Variants in PRKN observed in about 807,000 individuals in gnomAD.
PRKN encodes E3 ubiquitin-protein ligase parkin.
A neutral mutation model predicts 59.5 loss-of-function variants in PRKN; 56 were observed. That is an observed-to-expected ratio of 0.94 (90% confidence interval 0.76 to 1.18). The LOEUF is 1.18. PRKN is among the 50% of genes most tolerant of loss of function. The pLI, the probability that PRKN is intolerant of heterozygous loss-of-function variation, is 0.00. For synonymous variants in PRKN, 250 were observed against 222.1 expected, an observed-to-expected ratio of 1.13 and a Z score of -1.12; for missense variants, 657 against 596.4, an observed-to-expected ratio of 1.10 and a Z score of -1.06.
chr6:162,310,988 A>C lies in PRKN; in HGVS notation c.172-48223T>G, dbSNP rs1015348402. The stretch of plus-strand genomic sequence containing the variant: ...AGTGAAAATTTACAATCATTCAGTA[A>C]GGAAAGTTTTCTGATGACCATAGCG... On this transcript the variant is annotated intron_variant, in intron 2 of 11. Coordinates refer to ENST00000366898, the MANE Select transcript of PRKN (RefSeq NM_004562.3). Among the ~76,000 whole-genome samples the C allele has an allele frequency of 2.4e-4, 36 of 152,142 alleles. 1 individual carries two copies. The highest frequency in any genetic ancestry group is 8.4e-4 in the African/African-American group (35 of 41,438).
chr6:162,299,299 G>C (rs190478351), intron 2 of PRKN, among the ~76,000 whole-genome samples: 2 of 152,284 alleles, frequency 1.3e-5, no homozygotes, highest in East Asian at 3.9e-4. Flanking sequence ...AGAGGCCAAT[G>C]GCTGAATAGA....
intron 6 of PRKN, among the ~76,000 whole-genome samples, chr6:161,867,007 A>G (rs758933178): frequency 2.0e-5 from 3 of 152,210 alleles, no homozygotes; most frequent in Admixed American, 6.5e-5. Flanking sequence ...TGGTGACTCA[A>G]GCATAATTAG....
intron 4 of PRKN, among the ~76,000 whole-genome samples, chr6:162,085,374 GATAT>G (rs2128294610): frequency 6.6e-6 from 1 of 151,982 alleles, no homozygotes; most frequent in East Asian, 1.9e-4. Context: ...TTTCAATCTA[GATAT>G]GATTTCAAAT....
At chr6:161,374,697 GTGCGTTATGTTTA>G (rs1562403900) in intron 10 of PRKN, among the ~76,000 whole-genome samples, 2 of 139,574 alleles carry the variant, frequency 1.4e-5, no homozygotes, top group Admixed American at 7.2e-5. Flanking sequence ...TGTGTGATGT[GTGCGTTATGTTTA>G]TGTGTGTGGC....
At chr6:161,736,298 C>T (rs974461866) in intron 7 of PRKN, among the ~76,000 whole-genome samples, 1 of 152,194 alleles carries the variant, frequency 6.6e-6, no homozygotes, top group Non-Finnish European at 1.5e-5. Context: ...GCTGTTTATA[C>T]TCTTGGCAAA....
intron 5 of PRKN, among the ~76,000 whole-genome samples, chr6:161,978,222 T>C (rs532896553): frequency 1.9e-4 from 29 of 152,186 alleles, no homozygotes; most frequent in African/African-American, 7.0e-4. Context: ...ACCAATTTTT[T>C]ATATTTTTAG....
chr6:162,067,851 G>C (rs187797366), intron 4 of PRKN, among the ~76,000 whole-genome samples: 63 of 152,308 alleles, frequency 4.1e-4, no homozygotes, highest in Admixed American at 4.1e-3. Flanking sequence ...AAGTAACAAA[G>C]TCCATTTATC....
chr6:161,688,049 C>T (rs948767395), intron 7 of PRKN, among the ~76,000 whole-genome samples: 2 of 152,166 alleles, frequency 1.3e-5, no homozygotes, highest in Non-Finnish European at 2.9e-5. Flanking sequence ...TCAACCTCCC[C>T]CGCAATTCTC....
chr6:161,753,335 C>A (rs544050155), intron 7 of PRKN, among the ~76,000 whole-genome samples: 2 of 152,002 alleles, frequency 1.3e-5, no homozygotes, highest in South Asian at 2.1e-4. Context: ...ATAGTAAGCA[C>A]GCAGTGAGGA....
chr6:161,785,712 A>C, intron 7 of PRKN, 60 bp downstream of exon 7: 1 of 1,551,938 alleles, frequency 6.4e-7, no homozygotes, highest in Non-Finnish European at 8.9e-7. Context: ...TTTTACATCA[A>C]TAATTGTTCT....
At chr6:161,796,701 G>A (rs1790864883) in intron 6 of PRKN, among the ~76,000 whole-genome samples, 1 of 151,978 alleles carries the variant, frequency 6.6e-6, no homozygotes. Context: ...CTAATTTCAG[G>A]TCACATTCTA....
At chr6:162,062,826 C>T (rs1000547771) in intron 4 of PRKN, among the ~76,000 whole-genome samples, 2 of 152,130 alleles carry the variant, frequency 1.3e-5, no homozygotes, top group Admixed American at 6.6e-5. Context: ...GGTGGCTTTA[C>T]GTTGTTATGT....
At chr6:162,009,641 A>G (rs976821205) in intron 5 of PRKN, among the ~76,000 whole-genome samples, 34 of 151,842 alleles carry the variant, frequency 2.2e-4, no homozygotes, top group Admixed American at 9.2e-4. Context: ...CAGTGAAATA[A>G]AAGTCCTCTC....
chr6:161,679,684 C>CCT (rs531559048), intron 7 of PRKN, among the ~76,000 whole-genome samples: 1,190 of 84,818 alleles, frequency 0.014, 19 homozygotes, highest in Middle Eastern at 0.036. Flanking sequence ...ACCCCCCCCC[C>CCT]TTTTTTTTTT....
At chr6:162,603,780 C>T (rs773454891) in intron 1 of PRKN, among the ~76,000 whole-genome samples, 8 of 152,054 alleles carry the variant, frequency 5.3e-5, no homozygotes, top group East Asian at 1.9e-4. Context: ...GGAAACCACC[C>T]GCACGTGCCA....
intron 7 of PRKN, among the ~76,000 whole-genome samples, chr6:161,573,073 C>G (rs1445978466): frequency 6.6e-6 from 1 of 152,094 alleles, no homozygotes; most frequent in African/African-American, 2.4e-5. Flanking sequence ...GGAGGCTTCC[C>G]CTGCCAGTGA....
At chr6:161,663,320 G>A (rs996959979) in intron 7 of PRKN, among the ~76,000 whole-genome samples, 2 of 152,128 alleles carry the variant, frequency 1.3e-5, no homozygotes, top group African/African-American at 4.8e-5. Context: ...TTCGACTTTG[G>A]CGAAGTCTCT....
At chr6:162,606,468 T>C (rs909516118) in intron 1 of PRKN, among the ~76,000 whole-genome samples, 6 of 152,224 alleles carry the variant, frequency 3.9e-5, no homozygotes, top group African/African-American at 9.6e-5. Flanking sequence ...GAAGTAACGT[T>C]TGAACTGAAA....
chr6:161,697,179 T>A (rs932691595), intron 7 of PRKN, among the ~76,000 whole-genome samples: 3 of 152,152 alleles, frequency 2.0e-5, no homozygotes, highest in Non-Finnish European at 4.4e-5. Flanking sequence ...GTATCTGAAA[T>A]AAGGAAACTA....
Sources: gnomAD v4.1 joint callset for allele counts (sites outside exome capture counted in the v4.1 genomes callset) on GRCh38, gnomAD v4.1.1 for gene constraint, MANE v1.5 for transcripts, NCBI Gene and HGNC (gene_info 2026-07-23, HGNC 2026-07-21) for gene names.